The following ZNF333 variants were observed in gnomAD, a reference collection of about 807,000 sequenced individuals.
ZNF333 encodes the protein zinc finger protein 333.
ZNF333 carries 61 observed loss-of-function variants against 76.1 expected under a neutral mutation model. The observed-to-expected ratio is 0.80, with a 90% CI of 0.65 to 0.99. The LOEUF (loss-of-function observed/expected upper bound fraction) is 0.99, where lower values mean the gene tolerates loss of function less well. ZNF333 is among the 50% of genes least tolerant of loss of function. The probability of loss-of-function intolerance (pLI) is 0.00; values close to 1 mark genes in which losing one functional copy is unlikely to be tolerated. For synonymous variants in ZNF333, 284 were observed against 305.0 expected, an observed-to-expected ratio of 0.93 and a Z score of 0.72; for missense variants, 717 against 822.4, an observed-to-expected ratio of 0.87 and a Z score of 1.57.
chr19:14,705,269 G>C, intron 6 of ZNF333, 99 bp downstream of exon 6: 78 of 953,540 alleles, frequency 8.2e-5, no homozygotes, highest in Non-Finnish European at 1.1e-4. Context: ...GGAAAGGAGG[G>C]TGTTTGGGGC....
At chr19:14,726,570 T>C (rs907352190), downstream of ZNF333, among the ~76,000 whole-genome samples, 1 of 152,238 alleles carries the variant, frequency 6.6e-6, no homozygotes, top group Non-Finnish European at 1.5e-5. Context: ...CACATCTGAC[T>C]GTAAGCTGTT....
chr19:14,731,099 C>A lies in ZNF333; in HGVS notation c.901-76C>A, dbSNP rs577658747. ...GCACCGCCCCTCCTGCCCCCTCCCC[C>A]CAAGGATTGGCCCCTTTATTCATTC... On this transcript the variant is annotated intron_variant, in intron 11 of 11. Coordinates refer to the ZNF333 transcript ENST00000540689. 20 of 1,370,108 alleles carry A rather than the reference C, an allele frequency of 1.5e-5. No individual in the cohort carries two copies. In the African/African-American group the frequency reaches 2.6e-4, roughly 18 times the overall value. The allele number at this position is 1,370,108 out of a possible 1,614,324, so 84.9% of individuals were successfully genotyped here.
intron 11 of ZNF333, among the ~76,000 whole-genome samples, chr19:14,728,861 G>C (rs1568567265): frequency 6.6e-6 from 1 of 152,212 alleles, no homozygotes; most frequent in Non-Finnish European, 1.5e-5. Context: ...AAGGAGGCCA[G>C]GGGGGTTTTA....
chr19:14,728,096 C>T (rs2042644908), intron 11 of ZNF333, among the ~76,000 whole-genome samples: 1 of 152,076 alleles, frequency 6.6e-6, no homozygotes, highest in African/African-American at 2.4e-5. Flanking sequence ...GCCTGTAGTC[C>T]CAACTACTCG....
chr19:14,715,201 T>C (rs1568550273), intron 7 of ZNF333, 181 bp from the exon 8 acceptor site: 1 of 579,416 alleles, frequency 1.7e-6, no homozygotes, highest in African/African-American at 1.9e-5. Context: ...GTGCATGTGA[T>C]TGCATGCATG....
chr19:14,714,951 C>T lies in ZNF333; in HGVS notation c.512-431C>T, dbSNP rs547472764. 30 of 162,346 alleles carry T rather than the reference C, an allele frequency of 1.8e-4. No homozygotes were observed. The South Asian group carries it at 4.4e-3, about 24-fold the overall frequency. 10.1% of individuals were successfully genotyped at this position (162,346 alleles called of 1,614,324 possible). A position where few individuals can be genotyped will look rare whatever the true frequency, so the allele number is the denominator to read the frequency against. ...AGGAAAAGCTGTCCCAAAGCTGAGT[C>T]GGGACAGTGGTGGGGGCTGCAGGAG... On this transcript the variant is annotated intron_variant, in intron 7 of 11. Coordinates refer to ENST00000292530, the MANE Select transcript of ZNF333 (RefSeq NM_032433.4).
At chr19:14,692,631 G>C (rs1016482805) in intron 1 of ZNF333, among the ~76,000 whole-genome samples, 1 of 152,068 alleles carries the variant, frequency 6.6e-6, no homozygotes, top group Non-Finnish European at 1.5e-5. Context: ...TCTGGCCTCA[G>C]CTTCCTGAGT....
intron 4 of ZNF333, among the ~76,000 whole-genome samples, chr19:14,697,357 C>CTTTTTTTTTTTTTTT (rs139125023): frequency 4.4e-5 from 4 of 90,828 alleles, no homozygotes; most frequent in Non-Finnish European, 6.6e-5. Flanking sequence ...TTTTTCTTTT[C>CTTTTTTTTTTTTTTT]TTTTTTTTTT....
intron 7 of ZNF333, among the ~76,000 whole-genome samples, chr19:14,713,604 T>G (rs1224197518): frequency 6.6e-6 from 1 of 151,948 alleles, no homozygotes; most frequent in Non-Finnish European, 1.5e-5. Flanking sequence ...GAAGAAGCTC[T>G]TACAGGAAAA....
At chr19:14,696,843 A>G (rs753051636) in intron 4 of ZNF333, among the ~76,000 whole-genome samples, 1 of 142,776 alleles carries the variant, frequency 7.0e-6, no homozygotes, top group Non-Finnish European at 1.5e-5. Context: ...GGTTCAAGCG[A>G]TTCTCCTGCC....
intron 7 of ZNF333, chr19:14,708,881 C>T (rs576212211): frequency 6.6e-6 from 1 of 152,538 alleles, no homozygotes; most frequent in Non-Finnish European, 1.5e-5. Flanking sequence ...CATCATCTTC[C>T]CTCTGTCCAT....
chr19:14,733,450 A>G (rs1186464044), exon 12 of ZNF333: 2 of 152,244 alleles, frequency 1.3e-5, no homozygotes, highest in African/African-American at 2.4e-5. Flanking sequence ...CCAGTAAAAC[A>G]GTGGGCCTTA....
chr19:14,704,177 C>G (rs1276008651), intron 5 of ZNF333, among the ~76,000 whole-genome samples: 1 of 152,108 alleles, frequency 6.6e-6, no homozygotes, highest in Admixed American at 6.5e-5. Context: ...TCAGGTCTGT[C>G]TTTGTATCTG....
At chr19:14,695,243 C>A in intron 3 of ZNF333, 110 bp downstream of exon 3, 1 of 1,411,444 alleles carries the variant, frequency 7.1e-7, no homozygotes, top group Non-Finnish European at 9.5e-7. Flanking sequence ...CACTTAGCGT[C>A]CACAGGATGA....
intron 2 of ZNF333, 123 bp downstream of exon 2, chr19:14,693,617 GA>G: frequency 8.1e-7 from 1 of 1,234,922 alleles, no homozygotes. Context: ...AAGGGTGAGT[GA>G]GGAGCATCCT....
Position 14,695,578 on chromosome 19 carries a change from G to C in ZNF333, c.140G>C (p.Cys47Ser), listed in dbSNP as rs1421475023. ...TCTTCATGTGCAGGAACTCCACCAT[G>C]CAAACCCAGTTGTGTCTCCCAGCTG... Reference protein sequence around the residue: ...RTLASRGTPPCKPSCVSQLGQ... With the variant: ...RTLASRGTPPSKPSCVSQLGQ... Residue 47 changes from cysteine to serine, a missense_variant, in exon 4 of 12, where the codon TGC becomes TCC. Cys to Ser is a moderately radical substitution (Grantham distance 112). Transcript: ENST00000292530. 1.9e-6 allele frequency: 3 copies of C among 1,614,156 alleles called. No individual in the cohort carries two copies. The highest frequency in any genetic ancestry group is 8.5e-7 in the Non-Finnish European group (1 of 1,180,020).
At position 14,695,609 on chromosome 19, in the gene ZNF333, A is replaced by G. The variant is rs1973122624; in HGVS notation, c.171A>G (p.Gln57=). 1 of 1,614,032 alleles carries G rather than the reference A, an allele frequency of 6.2e-7. No individual in the cohort carries two copies. The highest frequency in any genetic ancestry group is 8.5e-7 in the Non-Finnish European group (1 of 1,180,028). Residue 57 remains glutamine (Q), a synonymous_variant, in exon 4 of 12, where the codon CAA becomes CAG. Coordinates refer to ENST00000292530, the MANE Select transcript of ZNF333 (RefSeq NM_032433.4). ...CKPSCVSQLG[Q]RAEPKATERG... ...CCAGTTGTGTCTCCCAGCTGGGGCA[A>G]AGAGCAGAGCCAAAGGCAACAGAAC...
chr19:14,699,408 T>C (rs1326430101), intron 5 of ZNF333, 127 bp downstream of exon 5: 17 of 808,154 alleles, frequency 2.1e-5, no homozygotes, highest in Non-Finnish European at 3.3e-5. Flanking sequence ...GGAAACAGTG[T>C]CTGAGGGGAG....
At chr19:14,706,575 A>T in intron 6 of ZNF333, 111 bp from the exon 7 acceptor site, 2 of 823,386 alleles carry the variant, frequency 2.4e-6, no homozygotes, top group Non-Finnish European at 4.2e-6. Flanking sequence ...TTCTTTTATT[A>T]ATATGTTCCC....
Sources: allele counts gnomAD v4.1 joint callset (sites outside exome capture counted in the v4.1 genomes callset), GRCh38; gene constraint gnomAD v4.1.1; transcripts MANE v1.5; gene names NCBI Gene and HGNC (gene_info 2026-07-23, HGNC 2026-07-21).